NRXN1: variants seen among roughly 807,000 people sequenced by gnomAD.
NRXN1 encodes neurexin 1.
In NRXN1, 39 loss-of-function variants were observed where a neutral mutation model predicts 150.9. The observed-to-expected ratio is 0.26, with a 90% confidence interval of 0.20 to 0.34. The LOEUF is 0.34. Among genes scored for constraint, NRXN1 ranks in the 10% least tolerant of loss-of-function variants. The probability of loss-of-function intolerance (pLI) is 1.00; values close to 1 mark genes in which losing one functional copy is unlikely to be tolerated. For missense variants in NRXN1, 1,815 were observed against 1,949.9 expected (o/e 0.93, Z 1.30); for synonymous variants, 924 against 757.0 (o/e 1.22, Z -3.62).
intron 22 of NRXN1, among the ~76,000 whole-genome samples, chr2:49,924,701 C>A (rs1668788164): frequency 6.6e-6 from 1 of 152,180 alleles, no homozygotes; most frequent in African/African-American, 2.4e-5. Context: ...AATATCTCTA[C>A]ACAAAACCCA....
chr2:50,416,439 T>C (rs2083544847), intron 17 of NRXN1, among the ~76,000 whole-genome samples: 3 of 152,238 alleles, frequency 2.0e-5, no homozygotes, highest in South Asian at 4.1e-4. Flanking sequence ...CAAATATCCC[T>C]TTGGTCTTAT....
intron 18 of NRXN1, among the ~76,000 whole-genome samples, chr2:50,190,442 T>C (rs2061370269): frequency 1.3e-5 from 2 of 152,104 alleles, no homozygotes; most frequent in Admixed American, 1.3e-4. Context: ...ATCTCAAGCA[T>C]ATAGGCAATC....
At chr2:50,725,276 C>T (rs893995743) in intron 5 of NRXN1, among the ~76,000 whole-genome samples, 34 of 150,538 alleles carry the variant, frequency 2.3e-4, no homozygotes, top group African/African-American at 8.3e-4. Context: ...TTTTGTGTTT[C>T]CTGATAGAAG....
Position 50,196,604 on chromosome 2 carries a change from T to C in NRXN1, c.3546+40185A>G, listed in dbSNP as rs115934941. ...TGACACAGTATAAAACAGGCAGATA[T>C]ACAGTTATATATTTATCAACATGTC... is the stretch of plus-strand genomic sequence containing the variant. On this transcript the variant is annotated intron_variant, in intron 18 of 22. Transcript: ENST00000401669. Among the ~76,000 whole-genome samples the C allele has an allele frequency of 1.4e-3, 212 of 152,266 alleles. 1 individual carries two copies. Among genetic ancestry groups the C allele is most frequent in the African/African-American group, 4.8e-3 (201 of 41,560 alleles).
intron 17 of NRXN1, among the ~76,000 whole-genome samples, chr2:50,437,556 AGT>A (rs1030096263): frequency 1.3e-5 from 2 of 152,102 alleles, no homozygotes; most frequent in African/African-American, 4.8e-5. Flanking sequence ...TTCTGTGTTC[AGT>A]GTGTTTGTTG....
chr2:49,922,975 G>A (rs1668484459), intron 22 of NRXN1, among the ~76,000 whole-genome samples: 1 of 151,918 alleles, frequency 6.6e-6, no homozygotes, highest in African/African-American at 2.4e-5. Context: ...TTGATTTTTT[G>A]GTCAAAACTC....
intron 18 of NRXN1, among the ~76,000 whole-genome samples, chr2:50,219,993 A>ATTAT (rs1236547585): frequency 2.9e-5 from 1 of 34,194 alleles, no homozygotes; most frequent in African/African-American, 1.8e-4. Flanking sequence ...TATTATATAT[A>ATTAT]ATATATATTA....
At chr2:50,386,917 T>C (rs371506954) in intron 17 of NRXN1, among the ~76,000 whole-genome samples, 15 of 152,262 alleles carry the variant, frequency 9.9e-5, no homozygotes, top group African/African-American at 3.4e-4. Flanking sequence ...ACCTATGCCT[T>C]ATACAATACT....
intron 21 of NRXN1, among the ~76,000 whole-genome samples, chr2:49,977,416 A>G (rs1272706361): frequency 6.6e-6 from 1 of 152,212 alleles, no homozygotes; most frequent in Non-Finnish European, 1.5e-5. Flanking sequence ...CCCTATCACA[A>G]ATAATTATTT....
intron 15 of NRXN1, among the ~76,000 whole-genome samples, chr2:50,475,771 C>T (rs2089937521): frequency 6.6e-6 from 1 of 151,906 alleles, no homozygotes; most frequent in African/African-American, 2.4e-5. Context: ...TGGGTTGCCA[C>T]ATGAAGAGAA....
At chr2:50,267,061 C>T (rs781514603) in intron 17 of NRXN1, among the ~76,000 whole-genome samples, 13 of 152,126 alleles carry the variant, frequency 8.5e-5, no homozygotes, top group Non-Finnish European at 1.9e-4. Flanking sequence ...GTATAGGCTA[C>T]TGTGATTCTG....
chr2:50,248,700 TA>T (rs1574726429), intron 17 of NRXN1, among the ~76,000 whole-genome samples: 2 of 152,194 alleles, frequency 1.3e-5, no homozygotes, highest in Admixed American at 6.6e-5. Flanking sequence ...TTTCCAGTCT[TA>T]AAACCATGTA....
At chr2:50,612,298 C>G (rs1342469263) in intron 8 of NRXN1, among the ~76,000 whole-genome samples, 1 of 152,104 alleles carries the variant, frequency 6.6e-6, no homozygotes, top group Non-Finnish European at 1.5e-5. Context: ...TGGTGCATCC[C>G]TCTCTGCAAT....
chr2:50,283,774 T>A (rs2071766220), intron 17 of NRXN1, among the ~76,000 whole-genome samples: 1 of 152,144 alleles, frequency 6.6e-6, no homozygotes, highest in Non-Finnish European at 1.5e-5. Flanking sequence ...TCTGACTAAA[T>A]GCCTCCTGTA....
At chr2:50,393,760 G>C (rs958768355) in intron 17 of NRXN1, among the ~76,000 whole-genome samples, 2 of 152,050 alleles carry the variant, frequency 1.3e-5, no homozygotes, top group Non-Finnish European at 2.9e-5. Context: ...ATGAGAATCT[G>C]GCAAAATTAC....
At position 50,495,886 on chromosome 2, in the gene NRXN1, T is replaced by C. The variant is rs201815652; in HGVS notation, c.3070+19A>G. On this transcript the variant is annotated intron_variant, in intron 15 of 22. Coordinates refer to ENST00000401669, the MANE Select transcript of NRXN1 (RefSeq NM_001330078.2). ...CCGTGTGGTGCAAGGCTCGTTGCTC[T>C]GACTTAACATGCACTTACTCTTGAG... is the stretch of plus-strand genomic sequence containing the variant. The C allele has an allele frequency of 7.1e-6, 11 of 1,559,188 alleles. No homozygotes were observed. The highest frequency in any genetic ancestry group is 1.2e-5 in the South Asian group (1 of 80,756).
At position 50,612,820 on chromosome 2, in the gene NRXN1, C is replaced by T. The variant is rs527539941; in HGVS notation, c.1320+7202G>A. 5.3e-5 allele frequency among the ~76,000 whole-genome samples: 8 copies of T among 152,244 alleles called. No individual in the cohort carries two copies. The East Asian group carries it at 1.5e-3, about 29-fold the overall frequency. ...TTGAGGTCTCATGAGTTCTCATTTG[C>T]ATAAGGGAATGATTATTATTAACCT... On this transcript the variant is annotated intron_variant, in intron 8 of 22. Coordinates refer to ENST00000401669, the MANE Select transcript of NRXN1 (RefSeq NM_001330078.2).
chr2:50,082,696 G>A lies in NRXN1; in HGVS notation c.3718+8627C>T, dbSNP rs144576600. Among the ~76,000 whole-genome samples, 8 of 152,140 alleles carry A rather than the reference G, an allele frequency of 5.3e-5. No individual in the cohort carries two copies. In the East Asian group the frequency reaches 9.7e-4, roughly 18 times the overall value. On this transcript the variant is annotated intron_variant, in intron 19 of 22. Coordinates refer to ENST00000401669, the MANE Select transcript of NRXN1 (RefSeq NM_001330078.2). The stretch of plus-strand genomic sequence containing the variant: ...TAAGCTTAAGTTTAGCTTCAAATAC[G>A]TAGGAAACTCATGAGTTGCTATCCT...
intron 17 of NRXN1, among the ~76,000 whole-genome samples, chr2:50,454,779 A>C (rs531306367): frequency 6.6e-6 from 1 of 152,232 alleles, no homozygotes; most frequent in African/African-American, 2.4e-5. Context: ...GAGAAATAAT[A>C]CCAAAAACAG....
Sources: allele counts gnomAD v4.1 joint callset (sites outside exome capture counted in the v4.1 genomes callset), GRCh38; gene constraint gnomAD v4.1.1; transcripts MANE v1.5; gene names NCBI Gene and HGNC (gene_info 2026-07-23, HGNC 2026-07-21).